Variants in DSCAM observed in about 807,000 individuals in gnomAD.
DSCAM encodes the protein cell adhesion molecule DSCAM.
A neutral mutation model predicts 217.7 loss-of-function variants in DSCAM; 47 were observed. The observed-to-expected ratio is 0.22, with a 90% CI of 0.17 to 0.28. DSCAM has a LOEUF of 0.28. DSCAM is among the 10% of genes least tolerant of loss of function. The pLI, the probability that DSCAM is intolerant of heterozygous loss-of-function variation, is 1.00. For synonymous variants in DSCAM, 1,056 were observed against 1,015.3 expected, an observed-to-expected ratio of 1.04 and a Z score of -0.76; for missense variants, 2,080 against 2,618.3, an observed-to-expected ratio of 0.79 and a Z score of 4.49.
chr21:40,617,332 G>C (rs2089415637), intron 3 of DSCAM, among the ~76,000 whole-genome samples: 1 of 151,884 alleles, frequency 6.6e-6, no homozygotes, highest in African/African-American at 2.4e-5. Context: ...CACCATGTTA[G>C]CCAGGATGGT....
intron 3 of DSCAM, among the ~76,000 whole-genome samples, chr21:40,498,175 T>C (rs1382148979): frequency 1.3e-5 from 2 of 152,192 alleles, no homozygotes; most frequent in Admixed American, 1.3e-4. Context: ...TCCTTCACAA[T>C]GAGAGTTCAG....
At chr21:40,119,608 G>A (rs1745976644) in intron 20 of DSCAM, among the ~76,000 whole-genome samples, 1 of 151,992 alleles carries the variant, frequency 6.6e-6, no homozygotes, top group Admixed American at 6.6e-5. Flanking sequence ...GAAGAATATT[G>A]GGAAATGCCT....
At chr21:40,738,075 G>A (rs77151318) in intron 1 of DSCAM, among the ~76,000 whole-genome samples, 17,475 of 152,164 alleles carry the variant, frequency 0.11, 1,179 homozygotes, top group African/African-American at 0.18. Context: ...TGCATTTCAC[G>A]ACAGTCTTGG....
At chr21:40,030,254 G>T (rs948794685) in intron 32 of DSCAM, among the ~76,000 whole-genome samples, 6 of 152,172 alleles carry the variant, frequency 3.9e-5, no homozygotes, top group Non-Finnish European at 8.8e-5. Flanking sequence ...GACACTAAAT[G>T]ACTGGTCCTG....
rs138198083 is a variant in DSCAM at position 40,758,266 on chromosome 21, C to T, written c.44-49495G>A. The stretch of plus-strand genomic sequence containing the variant: ...ATAAATTCCTCCTGTTTTAGGCCAC[C>T]CAATGTGTGGCACTTTGTTACGGCT... On this transcript the variant is annotated intron_variant, in intron 1 of 32. Coordinates refer to ENST00000400454, the MANE Select transcript of DSCAM (RefSeq NM_001389.5). Among the ~76,000 whole-genome samples, 29 of 152,232 alleles carry T rather than the reference C, an allele frequency of 1.9e-4. No individual in the cohort carries two copies. In the East Asian group the frequency reaches 5.6e-3, roughly 29 times the overall value.
In DSCAM at chr21:40,117,434, G is replaced by A. The variant is rs73223299; in HGVS notation, c.3696+6761C>T. Among the ~76,000 whole-genome samples, 158 of 152,300 alleles carry A rather than the reference G, an allele frequency of 1.0e-3. No individual in the cohort carries two copies. In the South Asian group the frequency reaches 0.022, roughly 21 times the overall value. ...ATGAGGACAAAGAGCTCAGCCCGCTGTGGGTTGCAGATCCCATCTTCCTTT... is the reference window on the plus strand; with the variant it reads ...ATGAGGACAAAGAGCTCAGCCCGCTATGGGTTGCAGATCCCATCTTCCTTT... On this transcript the variant is annotated intron_variant, in intron 20 of 32. Transcript: ENST00000400454.
At chr21:40,590,313 G>A (rs551027782) in intron 3 of DSCAM, among the ~76,000 whole-genome samples, 60 of 152,298 alleles carry the variant, frequency 3.9e-4, no homozygotes, top group African/African-American at 1.4e-3. Flanking sequence ...CTATCATTAG[G>A]TCCACTTTCT....
intron 1 of DSCAM, among the ~76,000 whole-genome samples, chr21:40,846,367 G>A (rs892056396): frequency 1.3e-5 from 2 of 151,992 alleles, no homozygotes; most frequent in Admixed American, 1.3e-4. Context: ...TAGGCTCTGA[G>A]CTGTCACTTG....
At chr21:40,534,409 T>C (rs1280152477) in intron 3 of DSCAM, among the ~76,000 whole-genome samples, 1 of 152,212 alleles carries the variant, frequency 6.6e-6, no homozygotes, top group African/African-American at 2.4e-5. Flanking sequence ...TCCTCTTGTA[T>C]GTAAGAAAGG....
chr21:40,117,533 C>T (rs1451405619), intron 20 of DSCAM, among the ~76,000 whole-genome samples: 4 of 152,198 alleles, frequency 2.6e-5, no homozygotes, highest in African/African-American at 9.7e-5. Flanking sequence ...ACAATCATAA[C>T]ACCTCCTGCG....
At chr21:40,087,135 G>A (rs1162599850) in intron 22 of DSCAM, 35 bp downstream of exon 22, 1 of 1,427,012 alleles carries the variant, frequency 7.0e-7, no homozygotes, top group Non-Finnish European at 9.9e-7. Flanking sequence ...ATCTCTTAGA[G>A]TCTCACTGAA....
chr21:40,766,461 C>T (rs2091390373), intron 1 of DSCAM, among the ~76,000 whole-genome samples: 1 of 151,856 alleles, frequency 6.6e-6, no homozygotes, highest in Admixed American at 6.6e-5. Flanking sequence ...AATATCAATA[C>T]TGAACATTAA....
At chr21:40,524,183 A>T (rs7275393) in intron 3 of DSCAM, among the ~76,000 whole-genome samples, 1 of 152,146 alleles carries the variant, frequency 6.6e-6, no homozygotes, top group African/African-American at 2.4e-5. Context: ...TTAGATCATG[A>T]GCAACTTAAA....
intron 8 of DSCAM, among the ~76,000 whole-genome samples, chr21:40,328,675 C>A (rs1040722846): frequency 2.0e-5 from 3 of 152,076 alleles, no homozygotes; most frequent in Admixed American, 6.6e-5. Context: ...GCAAAGGAAT[C>A]AATCACCAGA....
intron 11 of DSCAM, among the ~76,000 whole-genome samples, chr21:40,249,223 C>T: frequency 6.6e-6 from 1 of 152,120 alleles, no homozygotes; most frequent in East Asian, 1.9e-4. Flanking sequence ...CTCTGTGTTC[C>T]CACCCAAATC....
chr21:40,429,509 C>T (rs1013942207), intron 3 of DSCAM, among the ~76,000 whole-genome samples: 6 of 152,094 alleles, frequency 3.9e-5, no homozygotes, highest in African/African-American at 1.2e-4. Flanking sequence ...CTCAGGTGAT[C>T]CACCTGCCTC....
At chr21:40,032,510 A>G (rs2088545947) in intron 32 of DSCAM, among the ~76,000 whole-genome samples, 2 of 152,140 alleles carry the variant, frequency 1.3e-5, no homozygotes, top group South Asian at 4.1e-4. Context: ...TGGGCCTCTG[A>G]TATCAATCTC....
chr21:40,480,005 TTTAA>T (rs978323207), intron 3 of DSCAM, among the ~76,000 whole-genome samples: 7 of 152,198 alleles, frequency 4.6e-5, no homozygotes, highest in African/African-American at 1.4e-4. Context: ...ATGTCATTTA[TTTAA>T]TTAAACAAAA....
intron 6 of DSCAM, among the ~76,000 whole-genome samples, chr21:40,340,056 T>TA (rs1452200932): frequency 6.6e-6 from 1 of 152,160 alleles, no homozygotes; most frequent in Non-Finnish European, 1.5e-5. Context: ...AGAAGCTAAA[T>TA]AAAGTTTGTA....
Sources: gnomAD v4.1 joint callset for allele counts (sites outside exome capture counted in the v4.1 genomes callset) on GRCh38, gnomAD v4.1.1 for gene constraint, MANE v1.5 for transcripts, NCBI Gene and HGNC (gene_info 2026-07-23, HGNC 2026-07-21) for gene names.